GINS4: variants seen among roughly 807,000 people sequenced by gnomAD.
The protein encoded by GINS4 is GINS complex subunit 4.
Under a neutral mutation model 31.1 loss-of-function variants are expected in GINS4, and 20 were observed. The ratio of observed to expected loss-of-function variants is 0.64; its 90% CI spans 0.45 to 0.93. The LOEUF (loss-of-function observed/expected upper bound fraction) is 0.93, where lower values mean the gene tolerates loss of function less well. Ranked by LOEUF, GINS4 falls within the 40% of genes least tolerant of loss-of-function variation. The probability of loss-of-function intolerance (pLI) is 0.00; values close to 1 mark genes in which losing one functional copy is unlikely to be tolerated. For missense variants in GINS4, 245 were observed against 273.9 expected, an observed-to-expected ratio of 0.89 and a Z score of 0.75; for synonymous variants, 85 against 97.9, an observed-to-expected ratio of 0.87 and a Z score of 0.78.
At position 41,543,070 on chromosome 8, in the gene GINS4, C is replaced by T. The variant is rs539438935; in HGVS notation, c.*983C>T. On this transcript the variant is annotated 3_prime_UTR_variant, in exon 8 of 8. Coordinates refer to ENST00000276533, the MANE Select transcript of GINS4 (RefSeq NM_032336.3). ...GAGAGTTCATTTAGCCTTTCTGCTG[C>T]GAAGATTGTAAATAGATTAAAGAAA... The T allele has an allele frequency of 9.2e-5, 14 of 152,300 alleles. No homozygotes were observed. The East Asian group carries it at 9.6e-4, about 10-fold the overall frequency. The allele number at this position is 152,300 out of a possible 1,614,324, so 9.4% of individuals were successfully genotyped here.
chr8:41,532,664 G>A (rs567653668), intron 2 of GINS4, among the ~76,000 whole-genome samples: 49 of 151,928 alleles, frequency 3.2e-4, no homozygotes, highest in South Asian at 1.3e-3. Context: ...GCGAAACCCC[G>A]TCTCTACCAA....
chr8:41,538,469 C>T (rs1806778554), intron 4 of GINS4, among the ~76,000 whole-genome samples: 1 of 152,196 alleles, frequency 6.6e-6, no homozygotes, highest in Non-Finnish European at 1.5e-5. Flanking sequence ...TCATTCTTCA[C>T]TCACGTGGAC....
chr8:41,535,584 C>T (rs900453187), intron 2 of GINS4, among the ~76,000 whole-genome samples: 2 of 151,934 alleles, frequency 1.3e-5, no homozygotes, highest in Non-Finnish European at 2.9e-5. Flanking sequence ...CACTCAAGGA[C>T]GTCAGAAAAA....
intron 6 of GINS4, among the ~76,000 whole-genome samples, chr8:41,541,254 T>C (rs1806836476): frequency 6.6e-6 from 1 of 151,974 alleles, no homozygotes; most frequent in Admixed American, 6.6e-5. Flanking sequence ...AAAATTTTTT[T>C]GTGGAGACAG....
At chr8:41,530,576 A>G (rs755119316) in intron 2 of GINS4, among the ~76,000 whole-genome samples, 16 of 152,224 alleles carry the variant, frequency 1.1e-4, no homozygotes, top group Non-Finnish European at 2.4e-4. Context: ...TGATATTTTC[A>G]GGGACTGTAG....
At chr8:41,536,597 T>C in intron 3 of GINS4, 151 bp downstream of exon 3, 1 of 605,638 alleles carries the variant, frequency 1.7e-6, no homozygotes, top group Non-Finnish European at 2.9e-6. Flanking sequence ...TAGTTATCTA[T>C]GTTTATCAAT....
rs1196883894 is a variant in GINS4, at chr8:41,543,559, CTATA to C, written c.*1473_*1476del. On this transcript the variant is annotated 3_prime_UTR_variant, in exon 8 of 8. Coordinates refer to ENST00000276533, the MANE Select transcript of GINS4 (RefSeq NM_032336.3). ...GAATGAATGATCTTTCCTTGAAATG[CTATA>C]AAAAGCAACCTGCATTCCAGTCTTT... is the stretch of plus-strand genomic sequence containing the variant. The C allele has an allele frequency of 6.6e-6, 1 of 152,218 alleles. No individual in the cohort carries two copies. The highest frequency in any genetic ancestry group is 2.4e-5 in the African/African-American group (1 of 41,446). The allele number at this position is 152,218 out of a possible 1,614,324, so 9.4% of individuals were successfully genotyped here.
chr8:41,539,319 CA>C (rs36097557), intron 4 of GINS4, among the ~76,000 whole-genome samples: 215 of 55,752 alleles, frequency 3.9e-3, no homozygotes, highest in Middle Eastern at 0.021. Flanking sequence ...GACTCCATCT[CA>C]AAAAAAAAAA....
intron 2 of GINS4, among the ~76,000 whole-genome samples, chr8:41,534,882 G>A (rs558299529): frequency 2.0e-5 from 3 of 151,844 alleles, no homozygotes; most frequent in South Asian, 4.2e-4. Context: ...GGCGTGCCAC[G>A]CCCGGCTAAT....
At position 41,544,846 on chromosome 8, in the gene GINS4, G is replaced by A. The variant is rs1194695109; in HGVS notation, c.*2759G>A. The A allele has an allele frequency of 1.3e-5, 2 of 152,102 alleles. No homozygotes were observed. The highest frequency in any genetic ancestry group is 2.9e-5 in the Non-Finnish European group (2 of 68,042). 9.4% of individuals were successfully genotyped at this position (152,102 alleles called of 1,614,324 possible). On this transcript the variant is annotated 3_prime_UTR_variant, in exon 8 of 8. Transcript: ENST00000276533. ...TGTTGTGCAGTTGCTGCTGGCCCGG[G>A]GACCACATTGAATGACGGCTCTACG...
intron 6 of GINS4, 77 bp from the exon 7 acceptor site, chr8:41,541,732 C>A: frequency 1.8e-6 from 2 of 1,116,056 alleles, no homozygotes; most frequent in South Asian, 1.4e-5. Flanking sequence ...TGTGCCATAC[C>A]ATTCTTCCCA....
chr8:41,539,533 T>C (rs1585623250), intron 4 of GINS4, 145 bp from the exon 5 acceptor site: 3 of 665,878 alleles, frequency 4.5e-6, no homozygotes, highest in Admixed American at 2.4e-5. Flanking sequence ...CTGTGTCTTA[T>C]GGTGTGTCTC....
chr8:41,532,276 A>G (rs1430039542), intron 2 of GINS4, among the ~76,000 whole-genome samples: 1 of 151,104 alleles, frequency 6.6e-6, no homozygotes, highest in Non-Finnish European at 1.5e-5. Context: ...AGGATGACCA[A>G]TAAGCATATG....
At chr8:41,532,244 A>AGCAACTCAGGAAGCCCAAGTGGGAGG (rs763679778) in intron 2 of GINS4, among the ~76,000 whole-genome samples, 1 of 152,220 alleles carries the variant, frequency 6.6e-6, no homozygotes, top group Non-Finnish European at 1.5e-5. Flanking sequence ...GTACAGACTG[A>AGCAACTCAGGAAGCCCAAGTGGGAGG]TACCTCAGAG....
At chr8:41,540,910 C>T (rs1044341140) in intron 6 of GINS4, among the ~76,000 whole-genome samples, 3 of 152,208 alleles carry the variant, frequency 2.0e-5, no homozygotes. Context: ...GACTCAGTGT[C>T]TGCCAAGAGC....
intron 2 of GINS4, among the ~76,000 whole-genome samples, chr8:41,533,374 T>C (rs1394610010): frequency 6.6e-6 from 1 of 152,230 alleles, no homozygotes; most frequent in Non-Finnish European, 1.5e-5. Context: ...GCTGGTTACT[T>C]TTTCAAGTGA....
At chr8:41,533,583 C>T (rs1806686312) in intron 2 of GINS4, among the ~76,000 whole-genome samples, 1 of 152,186 alleles carries the variant, frequency 6.6e-6, no homozygotes, top group Non-Finnish European at 1.5e-5. Flanking sequence ...TGCTGTGTGG[C>T]ACAGCCAAAG....
chr8:41,537,277 G>A lies in GINS4; in HGVS notation c.281G>A (p.Arg94Gln), dbSNP rs370913420. 3.2e-5 allele frequency: 51 copies of A among 1,612,170 alleles called. No homozygotes were observed. Among genetic ancestry groups the A allele is most frequent in the Middle Eastern group, 1.7e-4 (1 of 5,950 alleles). The stretch of plus-strand genomic sequence containing the variant: ...CGCTACGTCCTCAGCAGCTACTTGC[G>A]GTGTCGCCTCATGAAGGTTTGACGT... ...RIRYVLSSYL[R>Q]CRLMKIEKFF... is the part of the protein sequence containing the mutation. The change falls in exon 4 of 8, where the codon CGG (arginine) becomes CAG (glutamine). Residue 94 changes from arginine (R) to glutamine (Q), a missense_variant. Arg to Gln is a conservative substitution (Grantham distance 43). Coordinates refer to ENST00000276533, the MANE Select transcript of GINS4 (RefSeq NM_032336.3).
At position 41,530,286 on chromosome 8, in the gene GINS4, A is replaced by C; in HGVS notation, c.84A>C (p.Glu28Asp). 1 of 1,612,796 alleles carries C rather than the reference A, an allele frequency of 6.2e-7. No individual in the cohort carries two copies. The highest frequency in any genetic ancestry group is 8.5e-7 in the Non-Finnish European group (1 of 1,178,930). The stretch of plus-strand genomic sequence containing the variant: ...TCCTAACTCCTGCAGAGCTCATTGA[A>C]AGATTGGAGCAGGTAAGCATCCCAG... ...EVVLTPAELI[E>D]RLEQAWMNEK... Residue 28 changes from glutamate (E) to aspartate (D), a missense_variant, in exon 2 of 8, where the codon GAA (glutamate) becomes GAC (aspartate). Transcript: ENST00000276533.
Sources: allele counts gnomAD v4.1 joint callset (sites outside exome capture counted in the v4.1 genomes callset), GRCh38; gene constraint gnomAD v4.1.1; transcripts MANE v1.5; gene names NCBI Gene and HGNC (gene_info 2026-07-23, HGNC 2026-07-21).